Variants in ITGAL observed in about 807,000 individuals in gnomAD.
ITGAL encodes integrin subunit alpha L, also known as integrin alpha-L.
Under a neutral mutation model 138.4 loss-of-function variants are expected in ITGAL, and 68 were observed. The ratio of observed to expected loss-of-function variants is 0.49; its 90% CI spans 0.40 to 0.60. The LOEUF is 0.60. Ranked by LOEUF, ITGAL falls within the 20% of genes least tolerant of loss-of-function variation. The pLI is 0.00. For synonymous variants in ITGAL, 561 were observed against 584.3 expected (o/e 0.96, Z 0.57); for missense variants, 1,256 against 1,478.6 (o/e 0.85, Z 2.47).
Position 30,494,338 on chromosome 16 carries a change from A to G in ITGAL, c.1340A>G (p.Gln447Arg). ...CCACAGGGCGGAGGACACTGGAGCCAGGTCCAGACAATCCATGGGACCCAG... is the reference window on the plus strand; with the variant it reads ...CCACAGGGCGGAGGACACTGGAGCCGGGTCCAGACAATCCATGGGACCCAG... ...QEPQGGGHWSQVQTIHGTQIG... is the reference protein window; with the variant it reads ...QEPQGGGHWSRVQTIHGTQIG... The change falls in exon 12 of 31, where the codon CAG becomes CGG. Residue 447 changes from glutamine to arginine, a missense_variant. Coordinates refer to ENST00000356798, the MANE Select transcript of ITGAL (RefSeq NM_002209.3). This position sits in a 1 kb window ranked among gnomAD's most constrained non-coding sequence, Gnocchi z 4.2. 3.1e-6 allele frequency: 5 copies of G among 1,610,714 alleles called. No homozygotes were observed. The highest frequency in any genetic ancestry group is 4.2e-6 in the Non-Finnish European group (5 of 1,177,520).
intron 21 of ITGAL, among the ~76,000 whole-genome samples, chr16:30,508,187 C>G (rs1350255027): frequency 1.4e-5 from 2 of 147,746 alleles, no homozygotes; most frequent in African/African-American, 5.0e-5. Context: ...GGATTACAGG[C>G]GTGGGCCACC....
At chr16:30,502,337 C>G (rs766093045) in intron 17 of ITGAL, among the ~76,000 whole-genome samples, 3 of 136,384 alleles carry the variant, frequency 2.2e-5, no homozygotes, top group Non-Finnish European at 4.6e-5. Context: ...GCGGAGCTTG[C>G]AGTGAGCCGA....
Position 30,511,092 on chromosome 16 carries a change from T to C in ITGAL, c.2742T>C (p.Thr914=), listed in dbSNP as rs1567487971. ...DSDLLEDNSA[T]TIIPILYPIN... is the part of the protein sequence containing the mutation. ...ACCTCCTGGAGGACAACTCAGCCAC[T>C]ACCATCATCCCCATCCTGTACCCCA... The change falls in exon 24 of 31, where the codon ACT becomes ACC. Residue 914 remains threonine, a synonymous_variant. Coordinates refer to ENST00000356798, the MANE Select transcript of ITGAL (RefSeq NM_002209.3). The C allele has an allele frequency of 3.1e-6, 5 of 1,613,972 alleles. No homozygotes were observed. Among genetic ancestry groups the C allele is most frequent in the Non-Finnish European group, 4.2e-6 (5 of 1,179,922 alleles).
chr16:30,488,023 A>G (rs939458825), intron 9 of ITGAL, among the ~76,000 whole-genome samples: 3 of 152,050 alleles, frequency 2.0e-5, no homozygotes, highest in Non-Finnish European at 4.4e-5. Flanking sequence ...CAGCCAGTGA[A>G]GAGTTCTTAA....
At chr16:30,474,444 G>C (rs1372024631) in intron 2 of ITGAL, 146 bp downstream of exon 2, 1 of 620,502 alleles carries the variant, frequency 1.6e-6, no homozygotes, top group Non-Finnish European at 2.9e-6. Context: ...CCTGTGGTGG[G>C]AATCCTCAGA....
intron 15 of ITGAL, among the ~76,000 whole-genome samples, chr16:30,497,976 G>A (rs1428804185): frequency 1.3e-5 from 2 of 151,314 alleles, no homozygotes; most frequent in African/African-American, 4.9e-5. Context: ...CGGATGCAAT[G>A]ACTCATGCCT....
rs767762071 is a variant in ITGAL, at chr16:30,494,929, CTCTG to C, written c.1503+84_1503+87del. 1.2e-5 allele frequency: 18 copies of C among 1,475,900 alleles called. No individual in the cohort carries two copies. Among genetic ancestry groups the C allele is most frequent in the Middle Eastern group, 1.8e-4 (1 of 5,556 alleles). The allele number at this position is 1,475,900 out of a possible 1,614,324, so 91.4% of individuals were successfully genotyped here. On this transcript the variant is annotated intron_variant, in intron 13 of 30. Transcript: ENST00000356798. This position sits in a 1 kb window ranked among gnomAD's most constrained non-coding sequence, Gnocchi z 4.2. ...AGCTCCCAGTTATTCTGAAGGCTTTCTCTGTCTGGTCACGTGGCGATCAAACTTT... is the reference window on the plus strand; with the variant it reads ...AGCTCCCAGTTATTCTGAAGGCTTTCTCTGGTCACGTGGCGATCAAACTTT...
chr16:30,501,865 T>G (rs2050904366), intron 17 of ITGAL, among the ~76,000 whole-genome samples: 1 of 151,650 alleles, frequency 6.6e-6, no homozygotes, highest in African/African-American at 2.4e-5. Context: ...ACCCCTTCTC[T>G]ACAAAAAACA....
intron 15 of ITGAL, chr16:30,498,857 T>C (rs2050842620): frequency 2.0e-6 from 1 of 505,832 alleles, no homozygotes; most frequent in Non-Finnish European, 3.5e-6. Context: ...GCTGTTATCA[T>C]GCCACTGCAC....
chr16:30,475,983 T>C (rs1204686040), intron 4 of ITGAL, among the ~76,000 whole-genome samples: 1 of 151,800 alleles, frequency 6.6e-6, no homozygotes, highest in Non-Finnish European at 1.5e-5. Context: ...AGCTCAAGAA[T>C]CCTCCTGCCT....
At chr16:30,515,023 T>A (rs1272441294) in intron 25 of ITGAL, among the ~76,000 whole-genome samples, 1 of 148,960 alleles carries the variant, frequency 6.7e-6, no homozygotes, top group Admixed American at 6.7e-5. Context: ...GAGGGTTTCA[T>A]CATGTTGGCC....
intron 17 of ITGAL, among the ~76,000 whole-genome samples, chr16:30,502,304 G>A (rs2050913713): frequency 6.7e-6 from 1 of 148,764 alleles, no homozygotes; most frequent in Non-Finnish European, 1.5e-5. Flanking sequence ...GGCTGAGGCA[G>A]GAGAATGGCA....
At chr16:30,477,277 G>T (rs1285034055) in intron 4 of ITGAL, 1 of 152,182 alleles carries the variant, frequency 6.6e-6, no homozygotes, top group Admixed American at 6.6e-5. Flanking sequence ...ATGAGGCCGG[G>T]CTGGTGGCTC....
intron 13 of ITGAL, among the ~76,000 whole-genome samples, chr16:30,495,875 A>G (rs35262362): frequency 0.015 from 2,215 of 152,144 alleles, 19 homozygotes; most frequent in Non-Finnish European, 0.023. Flanking sequence ...AAAAATGTAT[A>G]TATATATAAA....
At chr16:30,505,018 T>TTA in intron 18 of ITGAL, 2 of 249,198 alleles carry the variant, frequency 8.0e-6, no homozygotes, top group Non-Finnish European at 1.4e-5. Context: ...AAGACAGTCT[T>TTA]AAAAAAAAAA....
In ITGAL at chr16:30,521,932, C is replaced by T; in HGVS notation, c.*267C>T. 2.4e-6 allele frequency: 1 copy of T among 425,304 alleles called. No individual in the cohort carries two copies. The highest frequency in any genetic ancestry group is 4.3e-6 in the Non-Finnish European group (1 of 234,624). 26.3% of individuals were successfully genotyped at this position (425,304 alleles called of 1,614,324 possible). A position where few individuals can be genotyped will look rare whatever the true frequency, so the allele number is the denominator to read the frequency against. ...TTCACCAGCCTCTCTTGGTTTCCTTCCTTGGAAGAGAATGTCTGATCTAAA... is the reference window on the plus strand; with the variant it reads ...TTCACCAGCCTCTCTTGGTTTCCTTTCTTGGAAGAGAATGTCTGATCTAAA... On this transcript the variant is annotated 3_prime_UTR_variant, in exon 31 of 31. Transcript: ENST00000356798.
intron 4 of ITGAL, among the ~76,000 whole-genome samples, chr16:30,478,234 T>A (rs1002500772): frequency 2.0e-5 from 3 of 149,594 alleles, no homozygotes; most frequent in Non-Finnish European, 4.4e-5. Context: ...CTGAGGAGGT[T>A]GAGGCAGGAG....
rs757799926 is a variant in ITGAL, at chr16:30,521,601, G to A, written c.3449G>A (p.Gly1150Glu). The A allele has an allele frequency of 6.2e-7, 1 of 1,614,190 alleles. No homozygotes were observed. The part of the protein sequence containing the change: ...SEQLASGQEA[G>E]DPGCLKPLHE... Reference sequence around the variant, plus strand: ...CAGCTGGCATCTGGGCAAGAGGCTGGGGATCCCGGCTGCCTGAAGCCCCTC... The same window carrying A: ...CAGCTGGCATCTGGGCAAGAGGCTGAGGATCCCGGCTGCCTGAAGCCCCTC... Residue 1150 changes from glycine (G) to glutamate (E), a missense_variant, in exon 31 of 31, where the codon GGG (glycine) becomes GAG (glutamate). This residue lies in a region of ITGAL where 867 missense variants were observed against 972.5 expected (regional missense o/e 0.89). Coordinates refer to ENST00000356798, the MANE Select transcript of ITGAL (RefSeq NM_002209.3).
chr16:30,483,210 A>C (rs1193214799), intron 7 of ITGAL: 1 of 152,206 alleles, frequency 6.6e-6, no homozygotes, highest in African/African-American at 2.4e-5. Context: ...TCCCTCCTTC[A>C]TCTCACATGC....
Sources: gnomAD v4.1 joint callset for allele counts (sites outside exome capture counted in the v4.1 genomes callset) on GRCh38, gnomAD v4.1.1 for gene constraint, gnomAD v4.1.1 regional missense constraint, Gnocchi (gnomAD v3.1) non-coding constraint, MANE v1.5 for transcripts, NCBI Gene and HGNC (gene_info 2026-07-23, HGNC 2026-07-21) for gene names.